SGIP1: variants seen among roughly 807,000 people sequenced by gnomAD.
SGIP1 encodes the protein SH3GL interacting endocytic adaptor 1.
In SGIP1, 38 loss-of-function variants were observed where a neutral mutation model predicts 107.5. The ratio of observed to expected loss-of-function variants is 0.35; its 90% CI spans 0.27 to 0.46. The LOEUF (loss-of-function observed/expected upper bound fraction) is 0.46. Among genes scored for constraint, SGIP1 ranks in the 20% least tolerant of loss-of-function variants. SGIP1 has a pLI of 1.00. For missense variants in SGIP1, 929 were observed against 1,019.5 expected (o/e 0.91, Z 1.21); for synonymous variants, 365 against 366.1 (o/e 1.00, Z 0.03).
chr1:66,555,139 G>T (rs919886174), intron 1 of SGIP1, among the ~76,000 whole-genome samples: 10 of 151,878 alleles, frequency 6.6e-5, no homozygotes, highest in African/African-American at 2.2e-4. Context: ...TGCTACTCCC[G>T]GAATCCTGAA....
chr1:66,660,020 A>AC lies in SGIP1; in HGVS notation c.460-493_460-492insC, dbSNP rs1282200958. On this transcript the variant is annotated intron_variant, in intron 7 of 24. Transcript: ENST00000371037. The stretch of plus-strand genomic sequence containing the variant: ...AAAGACAGACAGACAGACAGACAGG[A>AC]AGGAAGGAAGGAAGGAAGGAAAGAA... 81 of 112,308 alleles carry AC rather than the reference A, an allele frequency of 7.2e-4. 8 individuals are homozygous for AC. Among genetic ancestry groups the AC allele is most frequent in the African/African-American group, 3.3e-3 (63 of 19,128 alleles). The allele number at this position is 112,308 out of a possible 1,614,324, so 7.0% of individuals were successfully genotyped here.
chr1:66,656,535 C>T (rs989222595), intron 7 of SGIP1, among the ~76,000 whole-genome samples: 2 of 152,182 alleles, frequency 1.3e-5, no homozygotes, highest in Admixed American at 6.5e-5. Flanking sequence ...CATCACTAGG[C>T]AATAGAAATT....
intron 1 of SGIP1, among the ~76,000 whole-genome samples, chr1:66,620,966 G>T (rs995346748): frequency 1.3e-5 from 2 of 152,168 alleles, no homozygotes; most frequent in African/African-American, 4.8e-5. Flanking sequence ...TTTAAAGAAT[G>T]TTCTTTTCAT....
intron 1 of SGIP1, among the ~76,000 whole-genome samples, chr1:66,536,252 GAA>G (rs3074089): frequency 0.73 from 111,224 of 151,530 alleles, 41,713 homozygotes; most frequent in East Asian, 1. Flanking sequence ...GAATTAGTAT[GAA>G]TTATACTATG....
chr1:66,662,293 T>C (rs939285155), intron 8 of SGIP1, among the ~76,000 whole-genome samples: 1 of 152,236 alleles, frequency 6.6e-6, no homozygotes, highest in Non-Finnish European at 1.5e-5. Context: ...TAGTGCTTTG[T>C]AGTTTATTGC....
At chr1:66,588,137 T>C (rs895269957) in intron 1 of SGIP1, among the ~76,000 whole-genome samples, 1 of 152,148 alleles carries the variant, frequency 6.6e-6, no homozygotes, top group Non-Finnish European at 1.5e-5. Context: ...TTGTAATAAT[T>C]TCACTTATTA....
intron 1 of SGIP1, among the ~76,000 whole-genome samples, chr1:66,560,191 G>A (rs1188244234): frequency 1.3e-5 from 2 of 152,000 alleles, no homozygotes; most frequent in Non-Finnish European, 2.9e-5. Flanking sequence ...TATTTAGTTT[G>A]ACTGTGCAAA....
chr1:66,564,305 C>G (rs75439845), intron 1 of SGIP1, among the ~76,000 whole-genome samples: 156 of 151,976 alleles, frequency 1.0e-3, no homozygotes, highest in African/African-American at 3.7e-3. Context: ...AGTCCATTGA[C>G]TCTTCTATAA....
At chr1:66,579,104 G>A (rs560852671) in intron 1 of SGIP1, among the ~76,000 whole-genome samples, 5 of 152,266 alleles carry the variant, frequency 3.3e-5, no homozygotes, top group African/African-American at 9.6e-5. Context: ...TTATTTTGGG[G>A]TCTGTAAAAT....
intron 1 of SGIP1, among the ~76,000 whole-genome samples, chr1:66,613,686 A>G (rs1383696249): frequency 6.6e-6 from 1 of 152,144 alleles, no homozygotes; most frequent in Non-Finnish European, 1.5e-5. Context: ...GCTCCTGGCA[A>G]CCTCATCTTC....
intron 15 of SGIP1, chr1:66,684,230 C>T (rs2087629032): frequency 6.5e-7 from 1 of 1,550,148 alleles, no homozygotes; most frequent in African/African-American, 1.4e-5. Context: ...AGTGTGCTCT[C>T]CAGGCACTTT....
At chr1:66,727,504 T>C (rs1020562426) in intron 19 of SGIP1, among the ~76,000 whole-genome samples, 1 of 152,230 alleles carries the variant, frequency 6.6e-6, no homozygotes, top group Non-Finnish European at 1.5e-5. Context: ...ACACCTATTA[T>C]GTGAGCTAGT....
chr1:66,542,624 C>T (rs939676712), intron 1 of SGIP1, among the ~76,000 whole-genome samples: 99 of 152,090 alleles, frequency 6.5e-4, no homozygotes, highest in Admixed American at 6.2e-3. Context: ...TAGGATGGCA[C>T]GAGATTTCAT....
At chr1:66,673,182 C>A in intron 11 of SGIP1, 99 bp from the exon 12 acceptor site, 1 of 1,234,812 alleles carries the variant, frequency 8.1e-7, no homozygotes, top group Non-Finnish European at 1.2e-6. Context: ...CACACACACA[C>A]TTGTTTCACT....
chr1:66,643,772 GT>G, intron 7 of SGIP1, 53 bp downstream of exon 7: 1 of 1,506,914 alleles, frequency 6.6e-7, no homozygotes, highest in Non-Finnish European at 8.9e-7. Flanking sequence ...ACAGGGCTAT[GT>G]TCTGCCTATA....
At chr1:66,614,950 G>C (rs1156442212) in intron 1 of SGIP1, among the ~76,000 whole-genome samples, 1 of 150,422 alleles carries the variant, frequency 6.6e-6, no homozygotes, top group Admixed American at 6.7e-5. Flanking sequence ...CTCCCAAGTA[G>C]CTGGGATTAC....
At position 66,639,770 on chromosome 1, in the gene SGIP1, A is replaced by T. The variant is rs1383997259; in HGVS notation, c.172-7A>T. On this transcript the variant is annotated splice_region_variant and splice_polypyrimidine_tract_variant and intron_variant, in intron 4 of 24. Coordinates refer to ENST00000371037, the MANE Select transcript of SGIP1 (RefSeq NM_032291.4). Reference sequence around the variant, plus strand: ...TCCTTCTAAATTCATTTTCAAATTTATTACAGAAGAAAAGCAATGGGGCAC... The same window carrying T: ...TCCTTCTAAATTCATTTTCAAATTTTTTACAGAAGAAAAGCAATGGGGCAC... 6.2e-7 allele frequency: 1 copy of T among 1,607,356 alleles called. No homozygotes were observed. Among genetic ancestry groups the T allele is most frequent in the Non-Finnish European group, 8.5e-7 (1 of 1,175,758 alleles).
chr1:66,718,857 A>G (rs1363033216), intron 18 of SGIP1, among the ~76,000 whole-genome samples: 1 of 152,174 alleles, frequency 6.6e-6, no homozygotes, highest in African/African-American at 2.4e-5. Flanking sequence ...GTAATGTGAT[A>G]CCACTTGGCT....
intron 1 of SGIP1, among the ~76,000 whole-genome samples, chr1:66,560,451 G>A (rs1251192035): frequency 6.6e-6 from 1 of 151,962 alleles, no homozygotes; most frequent in Non-Finnish European, 1.5e-5. Context: ...ATTTTTGCCA[G>A]CATTGTACAA....
Sources: gnomAD v4.1 joint callset for allele counts (sites outside exome capture counted in the v4.1 genomes callset) on GRCh38, gnomAD v4.1.1 for gene constraint, MANE v1.5 for transcripts, NCBI Gene and HGNC (gene_info 2026-07-23, HGNC 2026-07-21) for gene names.